Variants in RYR3 observed in about 807,000 individuals in gnomAD.
RYR3 encodes the protein brain ryanodine receptor-calcium release channel.
RYR3 carries 207 observed loss-of-function variants against 584.3 expected under a neutral mutation model. The observed-to-expected ratio is 0.35, with a 90% CI of 0.32 to 0.40. The LOEUF (loss-of-function observed/expected upper bound fraction) is 0.40. Among genes scored for constraint, RYR3 ranks in the 10% least tolerant of loss-of-function variants. The probability of loss-of-function intolerance (pLI) is 1.00; values close to 1 mark genes in which losing one functional copy is unlikely to be tolerated. For synonymous variants in RYR3, 2,416 were observed against 2,248.5 expected, an observed-to-expected ratio of 1.07 and a Z score of -2.11; for missense variants, 5,616 against 6,089.2, an observed-to-expected ratio of 0.92 and a Z score of 2.59.
At chr15:33,633,209 C>A in intron 24 of RYR3, 101 bp downstream of exon 24, 1 of 1,207,386 alleles carries the variant, frequency 8.3e-7, no homozygotes, top group Non-Finnish European at 1.2e-6. Context: ...AAGAGTTTGC[C>A]TTTGCACTCT....
At chr15:33,601,781 T>A (rs1203574181) in intron 17 of RYR3, among the ~76,000 whole-genome samples, 2 of 152,256 alleles carry the variant, frequency 1.3e-5, no homozygotes, top group Non-Finnish European at 2.9e-5. Flanking sequence ...GGATAGAGTA[T>A]GTGTAGCATC....
intron 1 of RYR3, among the ~76,000 whole-genome samples, chr15:33,470,264 A>G (rs1359727368): frequency 6.6e-6 from 1 of 151,968 alleles, no homozygotes; most frequent in Non-Finnish European, 1.5e-5. Flanking sequence ...TCTTCTCTTT[A>G]TTTTGTTTCT....
chr15:33,558,164 G>A (rs2057193081), intron 10 of RYR3, among the ~76,000 whole-genome samples: 1 of 152,016 alleles, frequency 6.6e-6, no homozygotes, highest in Admixed American at 6.6e-5. Context: ...TGTTACATAT[G>A]TATACACTTG....
intron 43 of RYR3, among the ~76,000 whole-genome samples, chr15:33,715,978 C>T (rs973004155): frequency 3.9e-5 from 6 of 152,144 alleles, no homozygotes; most frequent in East Asian, 1.9e-4. Context: ...CCTGGTGGGA[C>T]GTGTTTGGAT....
At chr15:33,771,429 G>T (rs2073565230) in intron 62 of RYR3, among the ~76,000 whole-genome samples, 1 of 143,960 alleles carries the variant, frequency 6.9e-6, no homozygotes, top group African/African-American at 2.6e-5. Flanking sequence ...AGCTACTCGG[G>T]AGGCTGAGGC....
At chr15:33,443,287 A>G (rs1320623335) in intron 1 of RYR3, among the ~76,000 whole-genome samples, 1 of 152,118 alleles carries the variant, frequency 6.6e-6, no homozygotes, top group Admixed American at 6.6e-5. Context: ...CTGCATAAAC[A>G]AAAGTGCAGC....
chr15:33,317,356 C>T (rs1968332961), intron 1 of RYR3, among the ~76,000 whole-genome samples: 1 of 152,144 alleles, frequency 6.6e-6, no homozygotes, highest in South Asian at 2.1e-4. Flanking sequence ...GAAGCAGATG[C>T]TTCTAGGGTG....
chr15:33,362,431 G>GCAGCAA (rs1974902988), intron 1 of RYR3, among the ~76,000 whole-genome samples: 1 of 152,150 alleles, frequency 6.6e-6, no homozygotes. Context: ...AGCAGCAGCA[G>GCAGCAA]CAGCAGCATC....
intron 1 of RYR3, among the ~76,000 whole-genome samples, chr15:33,460,298 C>T (rs181525297): frequency 2.0e-5 from 3 of 152,306 alleles, no homozygotes; most frequent in Non-Finnish European, 4.4e-5. Flanking sequence ...CTGCAATGCC[C>T]GCTGCTACAC....
intron 3 of RYR3, among the ~76,000 whole-genome samples, chr15:33,514,958 C>A (rs1341062660): frequency 6.6e-6 from 1 of 151,778 alleles, no homozygotes; most frequent in South Asian, 2.1e-4. Context: ...GAGCCGAGAT[C>A]GCGCCACTGC....
At chr15:33,592,506 A>G (rs2059179145) in intron 16 of RYR3, among the ~76,000 whole-genome samples, 1 of 152,200 alleles carries the variant, frequency 6.6e-6, no homozygotes, top group Admixed American at 6.5e-5. Context: ...GAAGGAAGGT[A>G]AGGATGGTGG....
intron 5 of RYR3, among the ~76,000 whole-genome samples, chr15:33,536,756 A>T (rs765697818): frequency 6.6e-6 from 1 of 152,230 alleles, no homozygotes; most frequent in African/African-American, 2.4e-5. Flanking sequence ...AAAGAGAGAA[A>T]TAGTGCTCCT....
intron 1 of RYR3, among the ~76,000 whole-genome samples, chr15:33,362,845 A>C (rs761132956): frequency 1.3e-5 from 2 of 152,128 alleles, no homozygotes; most frequent in Non-Finnish European, 2.9e-5. Flanking sequence ...GATAGTATTA[A>C]CATCTTCTTT....
chr15:33,857,619 G>A (rs559204770), intron 98 of RYR3, among the ~76,000 whole-genome samples, 161 bp from the exon 99 acceptor site: 31 of 152,034 alleles, frequency 2.0e-4, no homozygotes, highest in Non-Finnish European at 3.5e-4. Flanking sequence ...TTCCTCCTCT[G>A]CTCATGGCCT....
At chr15:33,750,128 G>A in intron 56 of RYR3, 35 bp from the exon 57 acceptor site, 2 of 1,608,074 alleles carry the variant, frequency 1.2e-6, no homozygotes, top group East Asian at 2.2e-5. Flanking sequence ...TGCAAAGGAA[G>A]AGCCAAATGT....
In RYR3 at chr15:33,768,646, T is replaced by C; in HGVS notation, c.8706-12T>C. On this transcript the variant is annotated splice_polypyrimidine_tract_variant and intron_variant, in intron 60 of 103. Transcript: ENST00000634891. ...TCTGTGACTTTCTGAATTGCTTTCT[T>C]TTCTGCTTCAGCCTGTTCTGCAAAC... 6.2e-7 allele frequency: 1 copy of C among 1,613,800 alleles called. No homozygotes were observed. Among genetic ancestry groups the C allele is most frequent in the Non-Finnish European group, 8.5e-7 (1 of 1,179,674 alleles).
In RYR3 at chr15:33,768,558, GCT is replaced by G. The variant is rs1207417219; in HGVS notation, c.8706-95_8706-94del. 9.9e-6 allele frequency: 10 copies of G among 1,007,030 alleles called. No homozygotes were observed. In the South Asian group the frequency reaches 1.0e-4, roughly 10 times the overall value. 62.4% of individuals were successfully genotyped at this position (1,007,030 alleles called of 1,614,324 possible). A position where few individuals can be genotyped will look rare whatever the true frequency, so the allele number is the denominator to read the frequency against. On this transcript the variant is annotated intron_variant, in intron 60 of 103. Coordinates refer to ENST00000634891, the MANE Select transcript of RYR3 (RefSeq NM_001036.6). ...GCATCTCCCTAGAATGCCACTCTGT[GCT>G]CTCTGTTTCACAGTGTAAGGGACAT...
chr15:33,588,118 C>A (rs960611785), intron 16 of RYR3, among the ~76,000 whole-genome samples: 1 of 152,140 alleles, frequency 6.6e-6, no homozygotes, highest in Non-Finnish European at 1.5e-5. Flanking sequence ...TAACAAATGC[C>A]AGTTATTGCT....
At chr15:33,717,185 G>A (rs552870389) in intron 43 of RYR3, among the ~76,000 whole-genome samples, 4 of 152,210 alleles carry the variant, frequency 2.6e-5, no homozygotes, top group East Asian at 1.9e-4. Flanking sequence ...TGAATTCCAC[G>A]TATACACTGA....
Sources: allele counts gnomAD v4.1 joint callset (sites outside exome capture counted in the v4.1 genomes callset), GRCh38; gene constraint gnomAD v4.1.1; transcripts MANE v1.5; gene names NCBI Gene and HGNC (gene_info 2026-07-23, HGNC 2026-07-21).